The following BSND variants were observed in gnomAD, a reference collection of about 807,000 sequenced individuals.
BSND encodes the protein barttin.
A neutral mutation model predicts 18.8 loss-of-function variants in BSND; 13 were observed. The ratio of observed to expected loss-of-function variants is 0.69; its 90% CI spans 0.45 to 1.10. The LOEUF (loss-of-function observed/expected upper bound fraction) is 1.10, where lower values mean the gene tolerates loss of function less well. Ranked by LOEUF, BSND falls within the 50% of genes least tolerant of loss-of-function variation. The pLI is 0.00. For synonymous variants in BSND, 170 were observed against 161.8 expected (o/e 1.05, Z -0.39); for missense variants, 379 against 416.7 (o/e 0.91, Z 0.79).
chr1:55,005,186 T>G (rs1644383543), intron 2 of BSND, 70 bp downstream of exon 2: 3 of 1,439,670 alleles, frequency 2.1e-6, no homozygotes, highest in Admixed American at 1.7e-5. Context: ...CTGAGGAGAG[T>G]GAGAGGGAGG....
At position 55,008,806 on chromosome 1, in the gene BSND, GT is replaced by G; in HGVS notation, c.*183del. On this transcript the variant is annotated 3_prime_UTR_variant, in exon 4 of 4. Transcript: ENST00000651561. ...GGATGATGACTATTAGTGGACTCTT[GT>G]TTTTCCAATAGTTAGTGGTCTTTGG... 6 of 936,556 alleles carry G rather than the reference GT, an allele frequency of 6.4e-6. No individual in the cohort carries two copies. Among genetic ancestry groups the G allele is most frequent in the Non-Finnish European group, 9.7e-6 (6 of 620,090 alleles). 58.0% of individuals were successfully genotyped at this position (936,556 alleles called of 1,614,324 possible).
intron 1 of BSND, among the ~76,000 whole-genome samples, chr1:55,001,915 G>C (rs891765350): frequency 6.6e-6 from 1 of 152,226 alleles, no homozygotes; most frequent in Non-Finnish European, 1.5e-5. Flanking sequence ...GGAAGGTAAA[G>C]GTAGCGAGGG....
chr1:55,005,073 G>A lies in BSND; in HGVS notation c.229G>A (p.Ala77Thr), dbSNP rs1298272324. 2 of 1,614,066 alleles carry A rather than the reference G, an allele frequency of 1.2e-6. No individual in the cohort carries two copies. The highest frequency in any genetic ancestry group is 2.2e-5 in the South Asian group (2 of 91,088). The change falls in exon 2 of 4, where the codon GCC becomes ACC. Residue 77 changes from alanine (A) to threonine (T), a missense_variant. By Grantham distance (58) the Ala-to-Thr change is moderately conservative (BLOSUM62 0). Transcript: ENST00000651561. ...SDFQGILSPK[A>T]MGLLENGLAA... ...CTTTCAAGGCATCCTCTCCCCAAAG[G>A]CCATGGGCCTGCTGGAGAATGGGCT...
rs188418228 is a variant in BSND at position 54,999,162 on chromosome 1, C to T, written c.-25C>T. 909 of 1,613,216 alleles carry T rather than the reference C, an allele frequency of 5.6e-4. 7 individuals are homozygous for T. In the African/African-American group the frequency reaches 0.011, roughly 19 times the overall value. Reference sequence around the variant, plus strand: ...AGCCACCCCCTCTCCCGGGGGTGTGCAGGCCAGGGACTGGCCAGGCAGCCA... The same window carrying T: ...AGCCACCCCCTCTCCCGGGGGTGTGTAGGCCAGGGACTGGCCAGGCAGCCA... On this transcript the variant is annotated 5_prime_UTR_variant, in exon 1 of 4. Coordinates refer to ENST00000651561, the MANE Select transcript of BSND (RefSeq NM_057176.3).
chr1:55,008,182 T>C, intron 3 of BSND, 32 bp from the exon 4 acceptor site: 2 of 1,595,050 alleles, frequency 1.3e-6, no homozygotes, highest in Non-Finnish European at 1.7e-6. Context: ...GACTCAGAGA[T>C]ACCCTTGCCC....
chr1:55,005,105 C>T lies in BSND; in HGVS notation c.261C>T (p.Ala87=), dbSNP rs747359694. Residue 87 remains alanine (A), a synonymous_variant, in exon 2 of 4, where the codon GCC becomes GCT. Coordinates refer to ENST00000651561, the MANE Select transcript of BSND (RefSeq NM_057176.3). ...AMGLLENGLA[A]EMKSPSPQPP... ...GCCTGCTGGAGAATGGGCTTGCTGC[C>T]GAGATGAAGAGGTAGGTGCCAGGCC... The T allele has an allele frequency of 5.3e-5, 85 of 1,613,988 alleles. No individual in the cohort carries two copies. Among genetic ancestry groups the T allele is most frequent in the South Asian group, 2.7e-4 (25 of 91,074 alleles).
In BSND at chr1:55,017,129, G is replaced by T. The variant is rs892810835; in HGVS notation, c.*8501G>T. 1.3e-5 allele frequency among the ~76,000 whole-genome samples: 2 copies of T among 152,228 alleles called. No homozygotes were observed. Among genetic ancestry groups the T allele is most frequent in the African/African-American group, 2.4e-5 (1 of 41,458 alleles). On this transcript the variant is annotated 3_prime_UTR_variant, in exon 4 of 4. Coordinates refer to ENST00000651561, the MANE Select transcript of BSND (RefSeq NM_057176.3). The stretch of plus-strand genomic sequence containing the variant: ...TATTGTGCCCTCAGTGCTTAGTTAA[G>T]TTCCTGGAACACAGTATCCTCTCAA...
At position 54,999,341 on chromosome 1, in the gene BSND, G is replaced by C. The variant is rs762288606; in HGVS notation, c.155G>C (p.Ser52Thr). ...SVMVIGGIIW[S>T]MCQCYPKITF... Reference sequence around the variant, plus strand: ...ATGGTGATCGGGGGCATCATCTGGAGCATGTGCCAGTGCTACCCCAAGGTA... The same window carrying C: ...ATGGTGATCGGGGGCATCATCTGGACCATGTGCCAGTGCTACCCCAAGGTA... The change falls in exon 1 of 4, where the codon AGC becomes ACC. Residue 52 changes from serine (S) to threonine (T), a missense_variant. Physicochemically the swap from Ser to Thr is moderately conservative, Grantham distance 58. Transcript: ENST00000651561. The C allele has an allele frequency of 7.4e-6, 12 of 1,611,912 alleles. No homozygotes were observed. The South Asian group carries it at 1.1e-4, about 15-fold the overall frequency.
chr1:54,999,654 T>C (rs2101644709), intron 1 of BSND, among the ~76,000 whole-genome samples: 1 of 152,244 alleles, frequency 6.6e-6, no homozygotes, highest in Non-Finnish European at 1.5e-5. Context: ...ACCATGTGCT[T>C]GAAACAAAAG....
chr1:55,012,014 G>T lies in BSND; in HGVS notation c.*3386G>T, dbSNP rs1004374219. On this transcript the variant is annotated 3_prime_UTR_variant, in exon 4 of 4. Transcript: ENST00000651561. ...GCCAGGGTGAAAATTCCTGCTCTTG[G>T]TCACTCTCCTGTCAGGTTGGAGGGA... Among the ~76,000 whole-genome samples, 1 of 152,158 alleles carries T rather than the reference G, an allele frequency of 6.6e-6. No individual in the cohort carries two copies. Among genetic ancestry groups the T allele is most frequent in the African/African-American group, 2.4e-5 (1 of 41,446 alleles).
Position 55,008,796 on chromosome 1 carries a change from G to A in BSND, c.*168G>A. The A allele has an allele frequency of 9.8e-7, 1 of 1,021,570 alleles. No individual in the cohort carries two copies. Among genetic ancestry groups the A allele is most frequent in the Non-Finnish European group, 1.5e-6 (1 of 689,096 alleles). 63.3% of individuals were successfully genotyped at this position (1,021,570 alleles called of 1,614,324 possible). On this transcript the variant is annotated 3_prime_UTR_variant, in exon 4 of 4. Transcript: ENST00000651561. ...CACAGGGAGGGGATGATGACTATTA[G>A]TGGACTCTTGTTTTTCCAATAGTTA...
At chr1:55,005,760 G>T (rs942369836) in intron 2 of BSND, among the ~76,000 whole-genome samples, 1 of 152,214 alleles carries the variant, frequency 6.6e-6, no homozygotes, top group Non-Finnish European at 1.5e-5. Context: ...ACCCTGTAAG[G>T]TGGGGGTGTT....
At position 55,008,201 on chromosome 1, in the gene BSND, T is replaced by C. The variant is rs1317433769; in HGVS notation, c.549-13T>C. ...CAGAGATACCCTTGCCCTTGTGGTCTTTGTCCCTGCAGCCCCCTGGCCTGT... is the reference window on the plus strand; with the variant it reads ...CAGAGATACCCTTGCCCTTGTGGTCCTTGTCCCTGCAGCCCCCTGGCCTGT... On this transcript the variant is annotated splice_polypyrimidine_tract_variant and intron_variant, in intron 3 of 3. Coordinates refer to ENST00000651561, the MANE Select transcript of BSND (RefSeq NM_057176.3). 3 of 1,612,734 alleles carry C rather than the reference T, an allele frequency of 1.9e-6. No homozygotes were observed. Among genetic ancestry groups the C allele is most frequent in the African/African-American group, 2.7e-5 (2 of 74,910 alleles).
chr1:55,007,039 C>G lies in BSND; in HGVS notation c.315C>G (p.Ala105=). The part of the protein sequence containing the change: ...QPPYVRLWEE[A]AYDQSLPDFS... The stretch of plus-strand genomic sequence containing the variant: ...CCTATGTAAGGCTGTGGGAGGAAGC[C>G]GCCTATGACCAGAGCCTGCCTGACT... The change falls in exon 3 of 4, where the codon GCC becomes GCG. Residue 105 remains alanine (A), a synonymous_variant. Transcript: ENST00000651561. 1 of 1,614,142 alleles carries G rather than the reference C, an allele frequency of 6.2e-7. No individual in the cohort carries two copies. Among genetic ancestry groups the G allele is most frequent in the Non-Finnish European group, 8.5e-7 (1 of 1,180,040 alleles).
At chr1:55,002,074 T>C (rs1644364104) in intron 1 of BSND, among the ~76,000 whole-genome samples, 1 of 152,078 alleles carries the variant, frequency 6.6e-6, no homozygotes, top group Non-Finnish European at 1.5e-5. Context: ...TGGGGAGGCT[T>C]CTTCTCTGGT....
At chr1:55,004,419 T>C (rs1644379284) in intron 1 of BSND, among the ~76,000 whole-genome samples, 1 of 152,154 alleles carries the variant, frequency 6.6e-6, no homozygotes, top group Non-Finnish European at 1.5e-5. Flanking sequence ...TCACCCCATC[T>C]CCCAGATCCC....
In BSND at chr1:55,008,363, G is replaced by A. The variant is rs965444829; in HGVS notation, c.698G>A (p.Cys233Tyr). The A allele has an allele frequency of 2.5e-6, 4 of 1,614,248 alleles. No individual in the cohort carries two copies. Among genetic ancestry groups the A allele is most frequent in the Non-Finnish European group, 2.5e-6 (3 of 1,180,054 alleles). The change falls in exon 4 of 4, where the codon TGC becomes TAC. Residue 233 changes from cysteine (C) to tyrosine (Y), a missense_variant. Coordinates refer to ENST00000651561, the MANE Select transcript of BSND (RefSeq NM_057176.3). ...SPQQEPQGCR[C>Y]PLDRFQDFAL... ...CAACAGGAACCTCAGGGCTGCAGGT[G>A]CCCGCTGGACCGCTTCCAAGACTTT...
chr1:55,010,215 G>A lies in BSND; in HGVS notation c.*1587G>A, dbSNP rs943645. 63,180 of 152,008 alleles carry A rather than the reference G, an allele frequency of 0.42. 13,566 individuals are homozygous for A. The highest frequency in any genetic ancestry group is 0.49 in the African/African-American group (20,341 of 41,418). The allele number at this position is 152,008 out of a possible 1,614,324, so 9.4% of individuals were successfully genotyped here. A position where few individuals can be genotyped will look rare whatever the true frequency, so the allele number is the denominator to read the frequency against. On this transcript the variant is annotated 3_prime_UTR_variant, in exon 4 of 4. Coordinates refer to ENST00000651561, the MANE Select transcript of BSND (RefSeq NM_057176.3). ...GAGTGCAGAGCAGAAGCTGAGGTGGGAACAGAGAAGTAAAAAATGGACACA... is the reference window on the plus strand; with the variant it reads ...GAGTGCAGAGCAGAAGCTGAGGTGGAAACAGAGAAGTAAAAAATGGACACA...
Position 55,014,542 on chromosome 1 carries a change from A to G in BSND, c.*5914A>G, listed in dbSNP as rs1346885855. ...GCAGAGATGATGTTACAATGTGTAG[A>G]CATCAGGTGCCCATGTGCACCTGGG... On this transcript the variant is annotated 3_prime_UTR_variant, in exon 4 of 4. Transcript: ENST00000651561. Among the ~76,000 whole-genome samples, 1 of 152,196 alleles carries G rather than the reference A, an allele frequency of 6.6e-6. No homozygotes were observed. Among genetic ancestry groups the G allele is most frequent in the African/African-American group, 2.4e-5 (1 of 41,458 alleles).
Sources: allele counts gnomAD v4.1 joint callset (sites outside exome capture counted in the v4.1 genomes callset), GRCh38; gene constraint gnomAD v4.1.1; transcripts MANE v1.5; gene names NCBI Gene and HGNC (gene_info 2026-07-23, HGNC 2026-07-21).